The following ZBTB43 variants were observed in gnomAD, a reference collection of about 807,000 sequenced individuals.
The protein encoded by ZBTB43 is zinc finger and BTB domain-containing protein 43.
Under a neutral mutation model 31.1 loss-of-function variants are expected in ZBTB43, and 6 were observed. The ratio of observed to expected loss-of-function variants is 0.19; its 90% CI spans 0.11 to 0.38. The LOEUF (loss-of-function observed/expected upper bound fraction) is 0.38, where lower values mean the gene tolerates loss of function less well. ZBTB43 is among the 10% of genes least tolerant of loss of function. The probability of loss-of-function intolerance (pLI) is 1.00; values close to 1 mark genes in which losing one functional copy is unlikely to be tolerated. For missense variants in ZBTB43, 379 were observed against 602.1 expected, an observed-to-expected ratio of 0.63 and a Z score of 3.88; for synonymous variants, 212 against 221.7, an observed-to-expected ratio of 0.96 and a Z score of 0.39.
chr9:126,828,639 A>ATTATT (rs1564206179), intron 2 of ZBTB43, among the ~76,000 whole-genome samples: 20 of 126,930 alleles, frequency 1.6e-4, no homozygotes, highest in African/African-American at 6.7e-4. Context: ...AAATAATAAT[A>ATTATT]ATAATAATAA....
At chr9:126,808,236 T>C (rs956329352) in intron 1 of ZBTB43, among the ~76,000 whole-genome samples, 1 of 152,096 alleles carries the variant, frequency 6.6e-6, no homozygotes, top group African/African-American at 2.4e-5. Flanking sequence ...TCTCAGAGAG[T>C]TTGCTGTAAT....
intron 2 of ZBTB43, among the ~76,000 whole-genome samples, chr9:126,826,670 T>C (rs2032648055): frequency 6.6e-6 from 1 of 151,398 alleles, no homozygotes; most frequent in African/African-American, 2.4e-5. Flanking sequence ...TTCACCGTGT[T>C]AGCCAGGAGG....
At chr9:126,818,403 GA>G (rs951861648) in intron 2 of ZBTB43, among the ~76,000 whole-genome samples, 16 of 152,138 alleles carry the variant, frequency 1.1e-4, no homozygotes, top group African/African-American at 3.9e-4. Flanking sequence ...TTGCAGATGA[GA>G]GCCACCACAC....
At chr9:126,818,936 G>C (rs375400805) in intron 2 of ZBTB43, among the ~76,000 whole-genome samples, 8 of 152,306 alleles carry the variant, frequency 5.3e-5, no homozygotes, top group African/African-American at 1.9e-4. Context: ...AAGGATTGGT[G>C]TCAGTTCTTC....
chr9:126,825,303 G>A (rs1454474503), intron 2 of ZBTB43, among the ~76,000 whole-genome samples: 2 of 145,744 alleles, frequency 1.4e-5, no homozygotes, highest in Admixed American at 6.6e-5. Flanking sequence ...TTATCTTTGA[G>A]TTTGTTGATT....
chr9:126,820,636 C>T (rs917071628), intron 2 of ZBTB43, among the ~76,000 whole-genome samples: 4 of 152,020 alleles, frequency 2.6e-5, no homozygotes, highest in Admixed American at 6.6e-5. Flanking sequence ...GCCCATGGAC[C>T]AAGGAGTAAT....
intron 2 of ZBTB43, among the ~76,000 whole-genome samples, chr9:126,815,362 A>T (rs996118631): frequency 1.4e-5 from 2 of 147,796 alleles, no homozygotes; most frequent in African/African-American, 4.9e-5. Context: ...ATAAAAATAT[A>T]TATATATATA....
intron 2 of ZBTB43, among the ~76,000 whole-genome samples, chr9:126,822,681 A>G (rs2032541730): frequency 6.6e-6 from 1 of 152,224 alleles, no homozygotes; most frequent in Non-Finnish European, 1.5e-5. Context: ...TCAAGGCTGC[A>G]GTGAGCCGTG....
Position 126,838,093 on chromosome 9 carries a change from G to A in ZBTB43, c.*4180G>A, listed in dbSNP as rs1437007977. ...TTGTCTTTATATATTGCTGTCTTCA[G>A]TGTACAGCATGGTTTTACTTAATTG... On this transcript the variant is annotated 3_prime_UTR_variant, in exon 3 of 3. Transcript: ENST00000373464. 1.8e-5 allele frequency: 3 copies of A among 166,856 alleles called. No homozygotes were observed. Among genetic ancestry groups the A allele is most frequent in the Non-Finnish European group, 4.4e-5 (3 of 68,116 alleles). 10.3% of individuals were successfully genotyped at this position (166,856 alleles called of 1,614,324 possible). A position where few individuals can be genotyped will look rare whatever the true frequency, so the allele number is the denominator to read the frequency against.
intron 2 of ZBTB43, among the ~76,000 whole-genome samples, chr9:126,813,450 C>T (rs764834611): frequency 1.2e-4 from 19 of 152,138 alleles, no homozygotes; most frequent in Admixed American, 6.6e-4. Context: ...ACGTCTCATT[C>T]GGCTTTTTCT....
Position 126,833,148 on chromosome 9 carries a change from G to T in ZBTB43, c.639G>T (p.Gln213His). 3 of 1,613,958 alleles carry T rather than the reference G, an allele frequency of 1.9e-6. No homozygotes were observed. Among genetic ancestry groups the T allele is most frequent in the Non-Finnish European group, 2.5e-6 (3 of 1,180,038 alleles). The change falls in exon 3 of 3, where the codon CAG becomes CAT. Residue 213 changes from glutamine (Q) to histidine (H), a missense_variant. By Grantham distance (24) the Gln-to-His change is conservative. This residue lies in a region of ZBTB43 where 253 missense variants were observed against 322.3 expected (regional missense o/e 0.79). Transcript: ENST00000373464. This position sits in a 1 kb window ranked among gnomAD's most constrained non-coding sequence, Gnocchi z 7.9. ...GCCTGAGCACGGAAATGGCAAGCCA[G>T]GATGGGGAGGAGGGCGCCAGCGACA... ...HDRLSTEMAS[Q>H]DGEEGASDSA...
intron 2 of ZBTB43, among the ~76,000 whole-genome samples, chr9:126,825,842 A>ATTTTT (rs72512629): frequency 2.2e-5 from 2 of 91,196 alleles, no homozygotes; most frequent in Admixed American, 2.6e-4. Context: ...TCCTTTTTAT[A>ATTTTT]TTTTTTTTTT....
intron 2 of ZBTB43, among the ~76,000 whole-genome samples, chr9:126,818,010 G>A (rs901284994): frequency 2.0e-5 from 3 of 151,766 alleles, no homozygotes; most frequent in African/African-American, 7.3e-5. Flanking sequence ...GCTTTGGGTA[G>A]TATTGTTATC....
chr9:126,821,913 A>G (rs1307497867), intron 2 of ZBTB43, among the ~76,000 whole-genome samples: 5 of 152,112 alleles, frequency 3.3e-5, no homozygotes, highest in Admixed American at 3.3e-4. Flanking sequence ...CCCAGGCTGG[A>G]GTGCAATGGC....
In ZBTB43 at chr9:126,835,780, C is replaced by T. The variant is rs933912426; in HGVS notation, c.*1867C>T. Reference sequence around the variant, plus strand: ...GATATTACCTCTTGGTTGTTTGCCACATTAATAGCTTCTCTTAGTATTGAA... The same window carrying T: ...GATATTACCTCTTGGTTGTTTGCCATATTAATAGCTTCTCTTAGTATTGAA... On this transcript the variant is annotated 3_prime_UTR_variant, in exon 3 of 3. Transcript: ENST00000373464. The T allele has an allele frequency of 1.2e-5, 2 of 166,262 alleles. No individual in the cohort carries two copies. The highest frequency in any genetic ancestry group is 2.9e-5 in the Non-Finnish European group (2 of 68,064). The allele number at this position is 166,262 out of a possible 1,614,324, so 10.3% of individuals were successfully genotyped here.
intron 2 of ZBTB43, among the ~76,000 whole-genome samples, chr9:126,815,655 TCTC>T (rs796481385): frequency 5.0e-5 from 4 of 80,408 alleles, no homozygotes; most frequent in African/African-American, 9.0e-5. Flanking sequence ...TCTCTCTCTC[TCTC>T]TTTTTTTTTT....
At chr9:126,826,148 G>A (rs2119152741) in intron 2 of ZBTB43, among the ~76,000 whole-genome samples, 1 of 151,810 alleles carries the variant, frequency 6.6e-6, no homozygotes, top group Non-Finnish European at 1.5e-5. Flanking sequence ...CGAGTAGCTG[G>A]TATTACAGGC....
chr9:126,828,980 C>T (rs1044524397), intron 2 of ZBTB43, among the ~76,000 whole-genome samples: 4 of 152,082 alleles, frequency 2.6e-5, no homozygotes, highest in African/African-American at 9.7e-5. Flanking sequence ...TAAGGAAATG[C>T]AGATCAGAAC....
chr9:126,807,361 G>A (rs759467800), intron 1 of ZBTB43, among the ~76,000 whole-genome samples: 5 of 152,162 alleles, frequency 3.3e-5, no homozygotes, highest in Admixed American at 1.3e-4. Context: ...TAAAGTGTTC[G>A]TTAAACTTAA....
Sources: allele counts gnomAD v4.1 joint callset (sites outside exome capture counted in the v4.1 genomes callset), GRCh38; gene constraint gnomAD v4.1.1; regional missense constraint gnomAD v4.1.1; non-coding constraint Gnocchi (gnomAD v3.1); transcripts MANE v1.5; gene names NCBI Gene and HGNC (gene_info 2026-07-23, HGNC 2026-07-21).